PDE1A: variants seen among roughly 807,000 people sequenced by gnomAD.
The protein encoded by PDE1A is dual specificity calcium/calmodulin-dependent 3',5'-cyclic nucleotide phosphodiesterase 1A.
PDE1A carries 35 observed loss-of-function variants against 61.7 expected under a neutral mutation model. The ratio of observed to expected loss-of-function variants is 0.57; its 90% CI spans 0.43 to 0.75. The LOEUF (loss-of-function observed/expected upper bound fraction) is 0.75. PDE1A is among the 30% of genes least tolerant of loss of function. The pLI is 0.00. For synonymous variants in PDE1A, 232 were observed against 213.2 expected, an observed-to-expected ratio of 1.09 and a Z score of -0.77; for missense variants, 597 against 630.6, an observed-to-expected ratio of 0.95 and a Z score of 0.57.
intron 1 of PDE1A, among the ~76,000 whole-genome samples, chr2:182,319,186 G>A (rs1696546391): frequency 6.6e-6 from 1 of 152,122 alleles, no homozygotes; most frequent in South Asian, 2.1e-4. Context: ...AGGATCTACT[G>A]ACTGAAATTC....
At chr2:182,168,555 C>T (rs552258513) in intron 13 of PDE1A, among the ~76,000 whole-genome samples, 13 of 151,982 alleles carry the variant, frequency 8.6e-5, no homozygotes, top group Non-Finnish European at 8.8e-5. Context: ...ATTTTTTACT[C>T]TACTTGAATT....
intron 4 of PDE1A, among the ~76,000 whole-genome samples, 181 bp from the exon 5 acceptor site, chr2:182,231,312 G>A (rs1208583913): frequency 6.6e-6 from 1 of 152,138 alleles, no homozygotes; most frequent in Non-Finnish European, 1.5e-5. Flanking sequence ...ACAAAATTGA[G>A]GCCATAATGC....
chr2:182,547,567 A>G, the PDE1A span, among the ~76,000 whole-genome samples: 10 of 152,358 alleles, frequency 6.6e-5, no homozygotes, highest in South Asian at 2.1e-3. Context: ...ATACTAATTA[A>G]AACACATAAG....
upstream of PDE1A, among the ~76,000 whole-genome samples, chr2:182,428,447 T>C (rs1703749029): frequency 6.6e-6 from 1 of 152,098 alleles, no homozygotes; most frequent in Non-Finnish European, 1.5e-5. Flanking sequence ...AAGATGATTT[T>C]ATATTATGTA....
At chr2:182,279,150 A>C (rs531732070) in intron 1 of PDE1A, among the ~76,000 whole-genome samples, 3 of 152,114 alleles carry the variant, frequency 2.0e-5, no homozygotes, top group African/African-American at 7.2e-5. Context: ...TCAGTTTTTT[A>C]GTTTAGTTTT....
At chr2:182,463,837 C>T (rs1174395077) in intron 2 of PDE1A, among the ~76,000 whole-genome samples, 1 of 152,148 alleles carries the variant, frequency 6.6e-6, no homozygotes, top group East Asian at 1.9e-4. Context: ...TAGACAAGTA[C>T]AAGCTGTGGA....
At chr2:182,501,737 C>T (rs1689093832) in intron 2 of PDE1A, among the ~76,000 whole-genome samples, 1 of 152,154 alleles carries the variant, frequency 6.6e-6, no homozygotes, top group Admixed American at 6.5e-5. Flanking sequence ...ATTGACCTCA[C>T]CCACTTTCTC....
At chr2:182,266,735 A>G (rs2125799325) in intron 1 of PDE1A, among the ~76,000 whole-genome samples, 1 of 152,276 alleles carries the variant, frequency 6.6e-6, no homozygotes, top group Middle Eastern at 3.4e-3. Context: ...AGCTAACTGT[A>G]CCGGAAGGAG....
At chr2:182,336,976 T>TAAAAAAAAA (rs10679939) in intron 1 of PDE1A, among the ~76,000 whole-genome samples, 53,637 of 148,554 alleles carry the variant, frequency 0.36, 11,537 homozygotes, top group Non-Finnish European at 0.47. Context: ...TTTTTTTTTT[T>TAAAAAAAAA]AAATAAAGAA....
intron 1 of PDE1A, among the ~76,000 whole-genome samples, chr2:182,367,860 G>T (rs1191949429): frequency 6.6e-6 from 1 of 151,644 alleles, no homozygotes; most frequent in African/African-American, 2.4e-5. Flanking sequence ...CCACTTTATT[G>T]AGATATAATT....
the PDE1A span, among the ~76,000 whole-genome samples, chr2:182,592,147 G>C: frequency 2.0e-5 from 3 of 152,160 alleles, no homozygotes; most frequent in African/African-American, 7.2e-5. Context: ...GCACCTCAGA[G>C]AAGCAACCAC....
chr2:182,523,598 A>G (rs953979171), upstream of PDE1A, among the ~76,000 whole-genome samples: 6 of 152,190 alleles, frequency 3.9e-5, no homozygotes, highest in African/African-American at 1.2e-4. Flanking sequence ...GCCTGTTACT[A>G]TGAGTTTTAA....
chr2:182,195,862 T>G (rs1310181973), intron 10 of PDE1A, among the ~76,000 whole-genome samples: 2 of 152,096 alleles, frequency 1.3e-5, no homozygotes, highest in African/African-American at 2.4e-5. Flanking sequence ...CAAGAACCAC[T>G]GCAGTCCTGC....
chr2:182,436,188 C>T (rs114312874), intron 2 of PDE1A, among the ~76,000 whole-genome samples: 6 of 152,008 alleles, frequency 3.9e-5, no homozygotes, highest in African/African-American at 1.4e-4. Context: ...CCTTAAAAAA[C>T]TCATTCTAGT....
At chr2:182,711,903 T>A in the PDE1A span, among the ~76,000 whole-genome samples, 4 of 152,232 alleles carry the variant, frequency 2.6e-5, no homozygotes, top group Non-Finnish European at 5.9e-5. Context: ...GAATAGAATA[T>A]GTTCATAGAG....
At chr2:182,297,721 T>C (rs1462910928) in intron 1 of PDE1A, among the ~76,000 whole-genome samples, 2 of 152,222 alleles carry the variant, frequency 1.3e-5, no homozygotes, top group Non-Finnish European at 2.9e-5. Context: ...ACCTGAGAAC[T>C]TTCCCTGTAT....
chr2:182,345,693 A>G (rs1042640107), intron 1 of PDE1A, among the ~76,000 whole-genome samples: 1 of 152,134 alleles, frequency 6.6e-6, no homozygotes, highest in Non-Finnish European at 1.5e-5. Context: ...TTCCTCTGCC[A>G]GGAATACTCT....
chr2:182,669,970 G>C, the PDE1A span, among the ~76,000 whole-genome samples: 1 of 152,218 alleles, frequency 6.6e-6, no homozygotes, highest in Non-Finnish European at 1.5e-5. Flanking sequence ...GCACATGAAG[G>C]TTGCCAGGTG....
chr2:182,175,067 C>A (rs1159807739), intron 13 of PDE1A, among the ~76,000 whole-genome samples: 1 of 152,164 alleles, frequency 6.6e-6, no homozygotes, highest in Non-Finnish European at 1.5e-5. Flanking sequence ...CTGCCAAGGA[C>A]ATGAACTCAT....
Sources: gnomAD v4.1 joint callset for allele counts (sites outside exome capture counted in the v4.1 genomes callset) on GRCh38, gnomAD v4.1.1 for gene constraint, MANE v1.5 for transcripts, NCBI Gene and HGNC (gene_info 2026-07-23, HGNC 2026-07-21) for gene names.